Variants in ITGA9 observed in about 807,000 individuals in gnomAD.
ITGA9 encodes integrin subunit alpha 9.
ITGA9 carries 56 observed loss-of-function variants against 127.8 expected under a neutral mutation model. The ratio of observed to expected loss-of-function variants is 0.44; its 90% CI spans 0.35 to 0.55. The LOEUF (loss-of-function observed/expected upper bound fraction) is 0.55. ITGA9 is among the 20% of genes least tolerant of loss of function. ITGA9 has a pLI of 0.00. For missense variants in ITGA9, 1,196 were observed against 1,347.1 expected (o/e 0.89, Z 1.76); for synonymous variants, 508 against 514.5 (o/e 0.99, Z 0.17).
chr3:37,706,892 A>G (rs997077308), intron 18 of ITGA9, among the ~76,000 whole-genome samples: 2 of 152,200 alleles, frequency 1.3e-5, no homozygotes, highest in African/African-American at 4.8e-5. Flanking sequence ...GGATTTTTCC[A>G]TAGGCTCAAA....
At chr3:37,764,466 TAAAAA>T (rs10694316) in intron 23 of ITGA9, among the ~76,000 whole-genome samples, 25 of 74,672 alleles carry the variant, frequency 3.3e-4, no homozygotes, top group South Asian at 3.2e-3. Flanking sequence ...AGATTCTCAG[TAAAAA>T]AAAAAAAAAA....
At chr3:37,529,252 TTATTAA>T (rs2125584979) in intron 13 of ITGA9, among the ~76,000 whole-genome samples, 1 of 152,326 alleles carries the variant, frequency 6.6e-6, no homozygotes, top group Non-Finnish European at 1.5e-5. Flanking sequence ...CATGCAGATC[TTATTAA>T]TATAAAAGGG....
At chr3:37,658,493 G>C (rs987460287) in intron 17 of ITGA9, among the ~76,000 whole-genome samples, 1 of 152,058 alleles carries the variant, frequency 6.6e-6, no homozygotes, top group Non-Finnish European at 1.5e-5. Flanking sequence ...TTTTATCAGA[G>C]ACTAGGATTG....
rs552803814 is a variant in ITGA9, at chr3:37,516,359, G to C, written c.1036-1145G>C. ...GGACCTGAGTTTGAATCTTGGTTTT[G>C]CCATGTCCTAGCCTGTGTGATGTGG... On this transcript the variant is annotated intron_variant, in intron 9 of 27. Transcript: ENST00000264741. Among the ~76,000 whole-genome samples, 5 of 152,248 alleles carry C rather than the reference G, an allele frequency of 3.3e-5. No homozygotes were observed. The South Asian group carries it at 8.3e-4, about 25-fold the overall frequency.
chr3:37,594,362 C>T (rs761180162), intron 15 of ITGA9, among the ~76,000 whole-genome samples: 1 of 152,206 alleles, frequency 6.6e-6, no homozygotes, highest in Non-Finnish European at 1.5e-5. Context: ...TGATATCTCC[C>T]CTTGCTCTCA....
chr3:37,750,740 A>G (rs1696573655), intron 23 of ITGA9, among the ~76,000 whole-genome samples, 171 bp downstream of exon 23: 1 of 152,270 alleles, frequency 6.6e-6, no homozygotes, highest in Non-Finnish European at 1.5e-5. Context: ...CTGAATTTCT[A>G]CATTGAGACC....
intron 14 of ITGA9, among the ~76,000 whole-genome samples, chr3:37,541,573 T>A (rs1033354414): frequency 6.6e-6 from 1 of 152,214 alleles, no homozygotes; most frequent in Admixed American, 6.5e-5. Flanking sequence ...TTCTTTTTTT[T>A]AAATTCAAGA....
At chr3:37,817,271 G>C (rs923358672) in intron 27 of ITGA9, among the ~76,000 whole-genome samples, 1 of 152,196 alleles carries the variant, frequency 6.6e-6, no homozygotes, top group East Asian at 1.9e-4. Flanking sequence ...GAGTCTTAAG[G>C]GTTTTCCAGT....
At chr3:37,545,631 C>G (rs184989074) in intron 15 of ITGA9, among the ~76,000 whole-genome samples, 1 of 152,350 alleles carries the variant, frequency 6.6e-6, no homozygotes, top group Non-Finnish European at 1.5e-5. Context: ...CAGCCACTTC[C>G]TTGGCTTCTC....
chr3:37,741,231 G>A (rs1696428825), intron 20 of ITGA9, among the ~76,000 whole-genome samples: 1 of 152,208 alleles, frequency 6.6e-6, no homozygotes, highest in Non-Finnish European at 1.5e-5. Context: ...TCTGGCCAGA[G>A]CCCACTCACT....
At chr3:37,645,230 C>T (rs1468676979) in intron 16 of ITGA9, among the ~76,000 whole-genome samples, 1 of 152,130 alleles carries the variant, frequency 6.6e-6, no homozygotes, top group Non-Finnish European at 1.5e-5. Flanking sequence ...GGATGCTTCA[C>T]CATAGGGGCA....
chr3:37,595,276 C>T (rs1231616093), intron 15 of ITGA9, among the ~76,000 whole-genome samples: 3 of 152,018 alleles, frequency 2.0e-5, no homozygotes, highest in Non-Finnish European at 4.4e-5. Flanking sequence ...AGCTCCACCA[C>T]CAGGTCAGAC....
intron 3 of ITGA9, among the ~76,000 whole-genome samples, chr3:37,478,483 G>A (rs1283959758): frequency 1.3e-5 from 2 of 152,150 alleles, no homozygotes; most frequent in Admixed American, 1.3e-4. Context: ...CTTGAAATGT[G>A]TCAGATTCTA....
intron 15 of ITGA9, among the ~76,000 whole-genome samples, chr3:37,603,952 A>G (rs1443820134): frequency 2.0e-5 from 3 of 152,204 alleles, no homozygotes; most frequent in South Asian, 4.1e-4. Flanking sequence ...TTCCCATTCA[A>G]GGTGTGCTGA....
At chr3:37,511,649 C>G (rs974872537) in intron 8 of ITGA9, among the ~76,000 whole-genome samples, 10 of 152,190 alleles carry the variant, frequency 6.6e-5, no homozygotes, top group African/African-American at 2.4e-4. Context: ...ACTGGCAACT[C>G]GGTTTCTTTC....
In ITGA9 at chr3:37,785,031, G is replaced by C. The variant is rs750286640; in HGVS notation, c.2842G>C (p.Ala948Pro). Reference sequence around the variant, plus strand: ...CCGCGCCAAGGTGAAGGTGGATCCTGCCCTAAGGGTGGTGGAAATAGCTCA... The same window carrying C: ...CCGCGCCAAGGTGAAGGTGGATCCTCCCCTAAGGGTGGTGGAAATAGCTCA... ...MSRAKVKVDPALRVVEIAHGN... is the reference protein window; with the variant it reads ...MSRAKVKVDPPLRVVEIAHGN... The change falls in exon 26 of 28, where the codon GCC (alanine) becomes CCC (proline). Residue 948 changes from alanine (A) to proline (P), a missense_variant. Physicochemically the swap from Ala to Pro is conservative, Grantham distance 27. Transcript: ENST00000264741. 5 of 1,614,192 alleles carry C rather than the reference G, an allele frequency of 3.1e-6. No individual in the cohort carries two copies. Among genetic ancestry groups the C allele is most frequent in the Non-Finnish European group, 4.2e-6 (5 of 1,180,012 alleles).
Position 37,593,880 on chromosome 3 carries a change from C to G in ITGA9, c.1690-35307C>G, listed in dbSNP as rs568868867. On this transcript the variant is annotated intron_variant, in intron 15 of 27. Coordinates refer to ENST00000264741, the MANE Select transcript of ITGA9 (RefSeq NM_002207.3). ...TCGTGTGGACACAACTTCCTCTGCT[C>G]TCCTTGGCCTTGGCCTCTTTGCTTT... Among the ~76,000 whole-genome samples the G allele has an allele frequency of 1.0e-4, 9 of 85,734 alleles. No individual in the cohort carries two copies. In the South Asian group the frequency reaches 2.4e-3, roughly 22 times the overall value. 56.2% of individuals were successfully genotyped at this position (85,734 alleles called of 152,430 possible). A position where few individuals can be genotyped will look rare whatever the true frequency, so the allele number is the denominator to read the frequency against.
chr3:37,516,286 G>A (rs1385944325), intron 9 of ITGA9, among the ~76,000 whole-genome samples: 1 of 152,170 alleles, frequency 6.6e-6, no homozygotes, highest in Non-Finnish European at 1.5e-5. Context: ...AATAAAGATC[G>A]GAAGGCAGTG....
chr3:37,551,224 T>G (rs1699375274), intron 15 of ITGA9, among the ~76,000 whole-genome samples: 1 of 152,154 alleles, frequency 6.6e-6, no homozygotes, highest in Non-Finnish European at 1.5e-5. Context: ...TCATTTAAAT[T>G]TATTGAGATC....
Sources: allele counts gnomAD v4.1 joint callset (sites outside exome capture counted in the v4.1 genomes callset), GRCh38; gene constraint gnomAD v4.1.1; transcripts MANE v1.5; gene names NCBI Gene and HGNC (gene_info 2026-07-23, HGNC 2026-07-21).